The following NELL1 variants were observed in gnomAD, a reference collection of about 807,000 sequenced individuals.
NELL1 encodes the protein neural EGFL like 1, also known as protein kinase C-binding protein NELL1.
Under a neutral mutation model 107.4 loss-of-function variants are expected in NELL1, and 76 were observed. The observed-to-expected ratio is 0.71, with a 90% CI of 0.59 to 0.86. NELL1 has a LOEUF of 0.86. NELL1 is among the 40% of genes least tolerant of loss of function. NELL1 has a pLI of 0.00. For missense variants in NELL1, 1,024 were observed against 1,005.5 expected (o/e 1.02, Z -0.25); for synonymous variants, 353 against 341.2 (o/e 1.03, Z -0.38).
At chr11:21,512,854 T>G (rs142584411) in intron 15 of NELL1, among the ~76,000 whole-genome samples, 2 of 152,070 alleles carry the variant, frequency 1.3e-5, no homozygotes, top group African/African-American at 4.8e-5. Flanking sequence ...CAACGAAGCC[T>G]GTTGACATTC....
chr11:21,076,058 A>G (rs1019058843), intron 12 of NELL1, among the ~76,000 whole-genome samples: 1 of 152,246 alleles, frequency 6.6e-6, no homozygotes, highest in African/African-American at 2.4e-5. Context: ...GATGACTAAA[A>G]CAGTTTTCCA....
chr11:20,776,187 C>T (rs529916655), intron 2 of NELL1, among the ~76,000 whole-genome samples: 67 of 152,238 alleles, frequency 4.4e-4, no homozygotes, highest in African/African-American at 1.2e-3. Context: ...CTTGTAATCC[C>T]GGCACTTTGG....
intron 12 of NELL1, among the ~76,000 whole-genome samples, chr11:21,101,689 TG>T (rs1327702709): frequency 6.6e-6 from 1 of 152,184 alleles, no homozygotes; most frequent in African/African-American, 2.4e-5. Flanking sequence ...TGGGGTTGTT[TG>T]TTTTTTTCTT....
At chr11:21,237,580 T>C (rs913231099) in intron 14 of NELL1, among the ~76,000 whole-genome samples, 3 of 152,144 alleles carry the variant, frequency 2.0e-5, no homozygotes, top group South Asian at 4.1e-4. Flanking sequence ...GCAGTCATCA[T>C]AGAAGTTATT....
At chr11:21,326,049 G>GTTTTTTGT (rs1850125173) in intron 14 of NELL1, among the ~76,000 whole-genome samples, 2 of 37,384 alleles carry the variant, frequency 5.3e-5, no homozygotes, top group African/African-American at 2.5e-4. Context: ...GTTAATCCTA[G>GTTTTTTGT]TTTTTTTTTT....
At chr11:20,900,005 C>T (rs1384859325) in intron 5 of NELL1, among the ~76,000 whole-genome samples, 3 of 152,142 alleles carry the variant, frequency 2.0e-5, no homozygotes, top group African/African-American at 4.8e-5. Context: ...AGCTTAATGG[C>T]TTAAAACAAC....
chr11:20,817,013 T>C (rs1474712000), intron 3 of NELL1, among the ~76,000 whole-genome samples: 1 of 152,184 alleles, frequency 6.6e-6, no homozygotes, highest in Non-Finnish European at 1.5e-5. Context: ...AGAATCAAGT[T>C]CTTGATGTGC....
chr11:21,393,566 G>T (rs891678646), intron 15 of NELL1, among the ~76,000 whole-genome samples: 2 of 151,694 alleles, frequency 1.3e-5, no homozygotes, highest in South Asian at 2.1e-4. Flanking sequence ...TAATGTATTT[G>T]TTCTGTGCCT....
At chr11:20,709,394 T>C (rs1035315419) in intron 2 of NELL1, among the ~76,000 whole-genome samples, 22 of 152,220 alleles carry the variant, frequency 1.4e-4, no homozygotes, top group African/African-American at 5.3e-4. Flanking sequence ...GTTCCATTGG[T>C]CTATGTGACT....
chr11:21,277,658 A>G (rs1029829748), intron 14 of NELL1, among the ~76,000 whole-genome samples: 1 of 152,246 alleles, frequency 6.6e-6, no homozygotes, highest in Non-Finnish European at 1.5e-5. Context: ...CCAAATACCC[A>G]TCAGTGATAG....
intron 14 of NELL1, among the ~76,000 whole-genome samples, chr11:21,343,470 C>A (rs1850620159): frequency 6.6e-6 from 1 of 152,048 alleles, no homozygotes; most frequent in Non-Finnish European, 1.5e-5. Context: ...AGCTTAGGTA[C>A]CCTTCCTTAA....
intron 14 of NELL1, among the ~76,000 whole-genome samples, chr11:21,365,943 A>T (rs1412268769): frequency 6.6e-6 from 1 of 152,124 alleles, no homozygotes; most frequent in East Asian, 1.9e-4. Context: ...ATTTTGGGCC[A>T]GATCATTCTT....
intron 12 of NELL1, among the ~76,000 whole-genome samples, chr11:21,020,105 T>C (rs1050049973): frequency 6.6e-6 from 1 of 152,136 alleles, no homozygotes; most frequent in African/African-American, 2.4e-5. Context: ...TCATCTTATA[T>C]GGTTATATGT....
intron 14 of NELL1, among the ~76,000 whole-genome samples, chr11:21,286,030 C>G (rs1849107424): frequency 1.3e-5 from 2 of 152,170 alleles, no homozygotes; most frequent in African/African-American, 4.8e-5. Context: ...ATGAATTCTA[C>G]ATTGTGGAAA....
chr11:21,552,026 C>T (rs1166728771), intron 16 of NELL1, among the ~76,000 whole-genome samples: 2 of 146,074 alleles, frequency 1.4e-5, no homozygotes, highest in Non-Finnish European at 1.5e-5. Flanking sequence ...TCTCAGTAAA[C>T]TATCGCAAGA....
At position 20,847,718 on chromosome 11, in the gene NELL1, C is replaced by T. The variant is rs200688314; in HGVS notation, c.471C>T (p.Ser157=). The part of the protein sequence containing the change: ...GQWHKVALSV[S]ASHLLLHVDC... ...GGCACAAGGTTGCACTGTCAGTTAG[C>T]GCCTCTCATCTCCTGCTCCATGTCG... The change falls in exon 4 of 20, where the codon AGC becomes AGT. Residue 157 remains serine, a synonymous_variant. Transcript: ENST00000357134. 198 of 1,612,912 alleles carry T rather than the reference C, an allele frequency of 1.2e-4. No individual in the cohort carries two copies. Among genetic ancestry groups the T allele is most frequent in the Middle Eastern group, 1.7e-4 (1 of 6,058 alleles).
At chr11:20,765,969 C>T (rs1292680012) in intron 2 of NELL1, among the ~76,000 whole-genome samples, 1 of 152,048 alleles carries the variant, frequency 6.6e-6, no homozygotes, top group Non-Finnish European at 1.5e-5. Flanking sequence ...AATAATAACT[C>T]CATATTTTAG....
intron 15 of NELL1, among the ~76,000 whole-genome samples, chr11:21,447,458 A>G (rs1419597746): frequency 6.6e-6 from 1 of 152,190 alleles, no homozygotes; most frequent in Non-Finnish European, 1.5e-5. Flanking sequence ...TCTGCTGATT[A>G]TTCAGGGCCA....
At chr11:21,092,564 C>T (rs769091066) in intron 12 of NELL1, among the ~76,000 whole-genome samples, 5 of 151,776 alleles carry the variant, frequency 3.3e-5, no homozygotes, top group Non-Finnish European at 5.9e-5. Flanking sequence ...ATATATGCCC[C>T]CTAGAGAGGA....
Sources: allele counts gnomAD v4.1 joint callset (sites outside exome capture counted in the v4.1 genomes callset), GRCh38; gene constraint gnomAD v4.1.1; transcripts MANE v1.5; gene names NCBI Gene and HGNC (gene_info 2026-07-23, HGNC 2026-07-21).